PLEKHA7: variants seen among roughly 807,000 people sequenced by gnomAD.
PLEKHA7 encodes the protein pleckstrin homology domain containing A7.
In PLEKHA7, 104 loss-of-function variants were observed where a neutral mutation model predicts 170.0. The ratio of observed to expected loss-of-function variants is 0.61; its 90% CI spans 0.52 to 0.72. PLEKHA7 has a LOEUF of 0.72. Ranked by LOEUF, PLEKHA7 falls within the 30% of genes least tolerant of loss-of-function variation. The pLI, the probability that PLEKHA7 is intolerant of heterozygous loss-of-function variation, is 0.00. For missense variants in PLEKHA7, 1,615 were observed against 1,671.7 expected, an observed-to-expected ratio of 0.97 and a Z score of 0.59; for synonymous variants, 648 against 660.8, an observed-to-expected ratio of 0.98 and a Z score of 0.30.
intron 3 of PLEKHA7, among the ~76,000 whole-genome samples, chr11:16,874,379 C>T (rs2135714061): frequency 6.6e-6 from 1 of 152,222 alleles, no homozygotes. Context: ...TGCTGTCACG[C>T]ACCTGTAGTC....
At chr11:16,897,614 G>C (rs548020790) in intron 3 of PLEKHA7, among the ~76,000 whole-genome samples, 36 of 152,280 alleles carry the variant, frequency 2.4e-4, no homozygotes, top group African/African-American at 8.2e-4. Flanking sequence ...AGGCAGTGAG[G>C]GGGAGGAGGC....
chr11:16,885,574 G>GA (rs953140526), intron 3 of PLEKHA7, among the ~76,000 whole-genome samples: 14 of 144,960 alleles, frequency 9.7e-5, no homozygotes, highest in Non-Finnish European at 1.6e-4. Flanking sequence ...GAGGCAGGAG[G>GA]AAAAAAAAGA....
At chr11:16,847,693 T>G (rs1852559629) in intron 8 of PLEKHA7, among the ~76,000 whole-genome samples, 1 of 151,726 alleles carries the variant, frequency 6.6e-6, no homozygotes, top group African/African-American at 2.4e-5. Context: ...ACAAAAAAAA[T>G]TAGCTGGGCG....
At chr11:16,794,074 C>CT (rs1214054701) in intron 19 of PLEKHA7, among the ~76,000 whole-genome samples, 1 of 152,152 alleles carries the variant, frequency 6.6e-6, no homozygotes, top group Non-Finnish European at 1.5e-5. Context: ...GGGAAGGACA[C>CT]TTTTCCACTG....
At chr11:16,977,925 A>C (rs1336553144) in intron 3 of PLEKHA7, among the ~76,000 whole-genome samples, 3 of 152,036 alleles carry the variant, frequency 2.0e-5, no homozygotes, top group Non-Finnish European at 1.5e-5. Context: ...ACAAGACAAC[A>C]TCAGGGGCCC....
intron 8 of PLEKHA7, among the ~76,000 whole-genome samples, chr11:16,848,229 A>T (rs766231251): frequency 1.3e-5 from 2 of 152,230 alleles, no homozygotes; most frequent in Admixed American, 1.3e-4. Context: ...CAAACTTGAG[A>T]ATATAAGCCC....
In PLEKHA7 at chr11:16,863,700, G is replaced by A. The variant is rs1854162047; in HGVS notation, c.305+7399C>T. On this transcript the variant is annotated intron_variant, in intron 4 of 26. Transcript: ENST00000531066. ...GGCTCCCTGGGCAGCCCAGCACTGA[G>A]GAGAAAACACTCCTGTACACGGGCA... is the stretch of plus-strand genomic sequence containing the variant. Among the ~76,000 whole-genome samples, 4 of 152,174 alleles carry A rather than the reference G, an allele frequency of 2.6e-5. No homozygotes were observed. In the South Asian group the frequency reaches 8.3e-4, roughly 32 times the overall value.
At chr11:16,983,306 T>C (rs1863548123) in intron 3 of PLEKHA7, among the ~76,000 whole-genome samples, 1 of 152,174 alleles carries the variant, frequency 6.6e-6, no homozygotes, top group African/African-American at 2.4e-5. Context: ...TACAAAGTCA[T>C]TGAGCAGAAG....
intron 3 of PLEKHA7, among the ~76,000 whole-genome samples, chr11:16,893,706 C>T (rs1856820838): frequency 6.6e-6 from 1 of 152,148 alleles, no homozygotes; most frequent in Non-Finnish European, 1.5e-5. Flanking sequence ...CATGGAATGA[C>T]CCACATAAAT....
chr11:16,795,358 G>A (rs535059615), intron 17 of PLEKHA7: 1 of 270,062 alleles, frequency 3.7e-6, no homozygotes, highest in East Asian at 8.3e-5. Flanking sequence ...TACAACAGTG[G>A]TTGCTGGGGG....
At position 16,789,098 on chromosome 11, in the gene PLEKHA7, A is replaced by G. The variant is rs2134193112; in HGVS notation, c.3355T>C (p.Ser1119Pro). ...LSRPLPGDLG[S>P]WKREQDFDLQ... ...CTGCCTGGCCCCTCCTAACATACTG[A>G]GCCAAGATCTCCAGGGAGCGGCCGG... The change falls in exon 23 of 27, where the codon TCA (serine) becomes CCA (proline). Residue 1119 changes from serine to proline, a missense_variant and splice_region_variant. Physicochemically the swap from Ser to Pro is moderately conservative, Grantham distance 74 (BLOSUM62 -1). Transcript: ENST00000531066. This position sits in a 1 kb window ranked among gnomAD's most constrained non-coding sequence, Gnocchi z 4.6. 3 of 1,602,270 alleles carry G rather than the reference A, an allele frequency of 1.9e-6. No homozygotes were observed. The highest frequency in any genetic ancestry group is 2.5e-6 in the Non-Finnish European group (3 of 1,179,900).
chr11:17,005,721 T>G (rs897861101), intron 3 of PLEKHA7, among the ~76,000 whole-genome samples: 31 of 152,230 alleles, frequency 2.0e-4, no homozygotes, highest in African/African-American at 7.2e-4. Flanking sequence ...TAAAGACGTT[T>G]CCTTAAAGAA....
Position 16,809,257 on chromosome 11 carries a change from G to A in PLEKHA7, c.2007+3856C>T, listed in dbSNP as rs574014930. Reference sequence around the variant, plus strand: ...CTTCAGGAAGGTAAAGCTTCTCAACGTGGGCCCACAAGCACCCCTGATTCT... The same window carrying A: ...CTTCAGGAAGGTAAAGCTTCTCAACATGGGCCCACAAGCACCCCTGATTCT... On this transcript the variant is annotated intron_variant, in intron 13 of 26. Coordinates refer to ENST00000531066, the MANE Select transcript of PLEKHA7 (RefSeq NM_001329630.2). 1.1e-4 allele frequency among the ~76,000 whole-genome samples: 16 copies of A among 152,288 alleles called. No individual in the cohort carries two copies. The South Asian group carries it at 2.9e-3, about 28-fold the overall frequency.
intron 17 of PLEKHA7, among the ~76,000 whole-genome samples, chr11:16,797,472 C>T (rs755791670): frequency 3.9e-5 from 6 of 152,146 alleles, no homozygotes; most frequent in South Asian, 2.1e-4. Flanking sequence ...ATACATGCTA[C>T]GTGAATAAAG....
chr11:16,801,780 T>G lies in PLEKHA7; in HGVS notation c.2195A>C (p.Gln732Pro). 1 of 1,614,164 alleles carries G rather than the reference T, an allele frequency of 6.2e-7. No individual in the cohort carries two copies. The highest frequency in any genetic ancestry group is 8.5e-7 in the Non-Finnish European group (1 of 1,180,034). Residue 732 changes from glutamine to proline, a missense_variant, in exon 16 of 27, where the codon CAG (glutamine) becomes CCG (proline). By Grantham distance (76) the Gln-to-Pro change is moderately conservative (BLOSUM62 -1). Transcript: ENST00000531066. ...LESVLEVLHR[Q>P]MEQYRDQPQH... ...GGGCTGGTCTCGGTACTGCTCCATC[T>G]GTCTGTGCAACACCTCCAGCACAGA...
intron 3 of PLEKHA7, among the ~76,000 whole-genome samples, chr11:16,921,775 G>A (rs759322701): frequency 6.6e-6 from 1 of 152,228 alleles, no homozygotes; most frequent in Non-Finnish European, 1.5e-5. Flanking sequence ...AATATGCAAT[G>A]CTGCATTACA....
intron 3 of PLEKHA7, among the ~76,000 whole-genome samples, chr11:16,943,322 A>C (rs1025133624): frequency 6.6e-6 from 1 of 152,106 alleles, no homozygotes; most frequent in African/African-American, 2.4e-5. Flanking sequence ...AGCACATCTT[A>C]ACCCAGACTA....
At chr11:16,894,313 A>G (rs1856863146) in intron 3 of PLEKHA7, among the ~76,000 whole-genome samples, 1 of 152,204 alleles carries the variant, frequency 6.6e-6, no homozygotes, top group Admixed American at 6.5e-5. Flanking sequence ...TTCCTCTTCA[A>G]TTTCCTAATG....
At chr11:16,965,315 T>C (rs1226417191) in intron 3 of PLEKHA7, among the ~76,000 whole-genome samples, 1 of 109,464 alleles carries the variant, frequency 9.1e-6, no homozygotes, top group Non-Finnish European at 2.0e-5. Context: ...AGCACGAGAC[T>C]GTCTCAAAAA....
Sources: allele counts gnomAD v4.1 joint callset (sites outside exome capture counted in the v4.1 genomes callset), GRCh38; gene constraint gnomAD v4.1.1; non-coding constraint Gnocchi (gnomAD v3.1); transcripts MANE v1.5; gene names NCBI Gene and HGNC (gene_info 2026-07-23, HGNC 2026-07-21).